HS2ST1: variants seen among roughly 807,000 people sequenced by gnomAD.
The protein encoded by HS2ST1 is heparan sulfate 2-O-sulfotransferase 1.
A neutral mutation model predicts 42.9 loss-of-function variants in HS2ST1; 18 were observed. That is an observed-to-expected ratio of 0.42 (90% CI 0.29 to 0.62). HS2ST1 has a LOEUF of 0.62. HS2ST1 is among the 20% of genes least tolerant of loss of function. The probability of loss-of-function intolerance (pLI) is 0.21; values close to 1 mark genes in which losing one functional copy is unlikely to be tolerated. For missense variants in HS2ST1, 334 were observed against 433.8 expected (o/e 0.77, Z 2.04); for synonymous variants, 146 against 152.9 (o/e 0.95, Z 0.33).
intron 1 of HS2ST1, among the ~76,000 whole-genome samples, chr1:87,040,351 A>G (rs758467792): frequency 3.9e-5 from 6 of 152,090 alleles, no homozygotes; most frequent in Non-Finnish European, 8.8e-5. Flanking sequence ...TAGGACCTGT[A>G]TTCTTTTCTC....
rs774069358 is a variant in HS2ST1 at position 87,104,690 on chromosome 1, G to A, written c.1065G>A (p.Ser355=). The change falls in exon 7 of 7, where the codon TCG becomes TCA. Residue 355 remains serine, a synonymous_variant. Coordinates refer to ENST00000370550, the MANE Select transcript of HS2ST1 (RefSeq NM_012262.4). The part of the protein sequence containing the change: ...NFFYEKIYPK[S]N Reference sequence around the variant, plus strand: ...TCTATGAAAAGATTTACCCTAAGTCGAACTGAGTATAAGGTGTGACTATTG... The same window carrying A: ...TCTATGAAAAGATTTACCCTAAGTCAAACTGAGTATAAGGTGTGACTATTG... 8.2e-6 allele frequency: 13 copies of A among 1,585,606 alleles called. No individual in the cohort carries two copies. The highest frequency in any genetic ancestry group is 1.7e-4 in the Middle Eastern group (1 of 6,042).
chr1:87,047,875 A>G (rs6702601), intron 1 of HS2ST1, among the ~76,000 whole-genome samples: 111,848 of 152,000 alleles, frequency 0.74, 42,711 homozygotes, highest in East Asian at 0.97. Context: ...CTTGAGATAA[A>G]GTGGTGTAAA....
intron 1 of HS2ST1, among the ~76,000 whole-genome samples, chr1:86,947,821 A>C (rs1647384863): frequency 6.6e-6 from 1 of 152,166 alleles, no homozygotes; most frequent in Admixed American, 6.5e-5. Flanking sequence ...TAAATATTAG[A>C]ATGATGTTCC....
At chr1:86,990,836 A>ATT (rs55739816) in intron 1 of HS2ST1, among the ~76,000 whole-genome samples, 3 of 44,230 alleles carry the variant, frequency 6.8e-5, no homozygotes, top group African/African-American at 2.4e-4. Context: ...ATATATATAT[A>ATT]TTTTTTTTTT....
At chr1:87,042,687 A>G (rs1650551795) in intron 1 of HS2ST1, among the ~76,000 whole-genome samples, 1 of 152,118 alleles carries the variant, frequency 6.6e-6, no homozygotes. Context: ...TTCCTGATGA[A>G]AAGATCCTGT....
chr1:87,104,857 T>C lies in HS2ST1; in HGVS notation c.*161T>C. On this transcript the variant is annotated 3_prime_UTR_variant, in exon 7 of 7. Transcript: ENST00000370550. ...TAACGTCAAGGAAGTAGATACTGGC[T>C]GGCATTGTCAGTGTTCTAAGTTTCA... is the stretch of plus-strand genomic sequence containing the variant. 1 of 564,100 alleles carries C rather than the reference T, an allele frequency of 1.8e-6. No homozygotes were observed. The highest frequency in any genetic ancestry group is 3.1e-6 in the Non-Finnish European group (1 of 318,994). The allele number at this position is 564,100 out of a possible 1,614,324, so 34.9% of individuals were successfully genotyped here. A position where few individuals can be genotyped will look rare whatever the true frequency, so the allele number is the denominator to read the frequency against.
At chr1:86,951,565 G>C (rs1479264965) in intron 1 of HS2ST1, among the ~76,000 whole-genome samples, 1 of 152,204 alleles carries the variant, frequency 6.6e-6, no homozygotes, top group Non-Finnish European at 1.5e-5. Context: ...AATCATCTGA[G>C]TCTTTAGTGA....
intron 1 of HS2ST1, among the ~76,000 whole-genome samples, chr1:86,948,987 C>A (rs1557490128): frequency 6.6e-6 from 1 of 152,070 alleles, no homozygotes; most frequent in Non-Finnish European, 1.5e-5. Flanking sequence ...AGAAAGTTCT[C>A]AAAGTAATAG....
chr1:87,045,074 ATCCG>A, intron 1 of HS2ST1: 3 of 1,061,762 alleles, frequency 2.8e-6, no homozygotes, highest in East Asian at 2.4e-5. Context: ...AATCTTCTTC[ATCCG>A]AATCAACTGT....
chr1:87,046,457 A>T, intron 1 of HS2ST1: 3 of 1,004,784 alleles, frequency 3.0e-6, no homozygotes, highest in Non-Finnish European at 4.8e-6. Context: ...AGGTGACATT[A>T]AACGTATTTC....
At chr1:87,087,672 T>A (rs1005149302) in intron 3 of HS2ST1, among the ~76,000 whole-genome samples, 1 of 152,128 alleles carries the variant, frequency 6.6e-6, no homozygotes, top group African/African-American at 2.4e-5. Context: ...ACCTAATACT[T>A]CTCTGCTAAA....
chr1:86,972,360 T>A (rs902244756), intron 1 of HS2ST1, among the ~76,000 whole-genome samples: 12 of 152,152 alleles, frequency 7.9e-5, no homozygotes, highest in African/African-American at 2.7e-4. Context: ...AATAATTATT[T>A]TTTTTTAAGA....
chr1:86,997,934 T>G (rs1290252169), intron 1 of HS2ST1, among the ~76,000 whole-genome samples: 1 of 152,220 alleles, frequency 6.6e-6, no homozygotes, highest in African/African-American at 2.4e-5. Context: ...TGGTTGACTG[T>G]GAATAATTAA....
At chr1:87,015,129 A>T (rs1205572752) in intron 1 of HS2ST1, among the ~76,000 whole-genome samples, 1 of 151,970 alleles carries the variant, frequency 6.6e-6, no homozygotes, top group Non-Finnish European at 1.5e-5. Context: ...GCTCACTGCA[A>T]CCTCCGACTT....
chr1:86,995,128 A>T (rs72953466), intron 1 of HS2ST1, among the ~76,000 whole-genome samples: 2,495 of 152,194 alleles, frequency 0.016, 76 homozygotes, highest in African/African-American at 0.057. Context: ...CTAAACCTGT[A>T]TGTTTATTTA....
At chr1:86,974,301 G>GC (rs1380377432) in intron 1 of HS2ST1, among the ~76,000 whole-genome samples, 7 of 152,004 alleles carry the variant, frequency 4.6e-5, no homozygotes, top group Non-Finnish European at 7.4e-5. Context: ...CATGATGAAT[G>GC]CTAAAAATTA....
intron 1 of HS2ST1, among the ~76,000 whole-genome samples, chr1:86,942,958 T>A (rs558162916): frequency 6.6e-6 from 1 of 152,282 alleles, no homozygotes; most frequent in East Asian, 1.9e-4. Flanking sequence ...TCAGACTTTC[T>A]GGCTCTGTCT....
intron 1 of HS2ST1, among the ~76,000 whole-genome samples, chr1:87,010,720 C>T (rs1649574422): frequency 6.6e-6 from 1 of 151,882 alleles, no homozygotes; most frequent in African/African-American, 2.4e-5. Context: ...TTATTTAAAA[C>T]ACAATAAAAG....
chr1:87,073,187 A>G lies in HS2ST1; in HGVS notation c.363+15A>G, dbSNP rs757514667. 1 of 1,509,084 alleles carries G rather than the reference A, an allele frequency of 6.6e-7. No individual in the cohort carries two copies. The highest frequency in any genetic ancestry group is 1.1e-5 in the South Asian group (1 of 88,850). The allele number at this position is 1,509,084 out of a possible 1,614,324, so 93.5% of individuals were successfully genotyped here. A position where few individuals can be genotyped will look rare whatever the true frequency, so the allele number is the denominator to read the frequency against. The stretch of plus-strand genomic sequence containing the variant: ...TGCAAGATCAGGTAATTACCACTTA[A>G]GGAATGCCCAAATATTTTCTAATAC... On this transcript the variant is annotated intron_variant, in intron 2 of 6. Coordinates refer to ENST00000370550, the MANE Select transcript of HS2ST1 (RefSeq NM_012262.4).
Sources: allele counts gnomAD v4.1 joint callset (sites outside exome capture counted in the v4.1 genomes callset), GRCh38; gene constraint gnomAD v4.1.1; transcripts MANE v1.5; gene names NCBI Gene and HGNC (gene_info 2026-07-23, HGNC 2026-07-21).